The following OTUD7A variants were observed in gnomAD, a reference collection of about 807,000 sequenced individuals.
OTUD7A encodes OTU domain-containing protein 7A.
Under a neutral mutation model 65.7 loss-of-function variants are expected in OTUD7A, and 12 were observed. The observed-to-expected ratio is 0.18, with a 90% confidence interval of 0.12 to 0.30. The LOEUF (loss-of-function observed/expected upper bound fraction) is 0.30. Among genes scored for constraint, OTUD7A ranks in the 10% least tolerant of loss-of-function variants. The probability of loss-of-function intolerance (pLI) is 1.00; values close to 1 mark genes in which losing one functional copy is unlikely to be tolerated. For synonymous variants in OTUD7A, 641 were observed against 586.3 expected (o/e 1.09, Z -1.35); for missense variants, 1,148 against 1,304.8 (o/e 0.88, Z 1.85).
intron 3 of OTUD7A, among the ~76,000 whole-genome samples, chr15:31,593,979 C>T (rs1428136468): frequency 6.6e-6 from 1 of 152,202 alleles, no homozygotes; most frequent in East Asian, 1.9e-4. Flanking sequence ...TCTTTCTAGA[C>T]AGCCTAAAAA....
intron 1 of OTUD7A, among the ~76,000 whole-genome samples, chr15:31,685,109 G>C (rs1451517783): frequency 6.6e-6 from 1 of 152,212 alleles, no homozygotes; most frequent in East Asian, 1.9e-4. Flanking sequence ...ATGCAAATAA[G>C]TCTGATTGAT....
chr15:31,608,356 A>G (rs1169338703), intron 3 of OTUD7A, among the ~76,000 whole-genome samples: 2 of 152,340 alleles, frequency 1.3e-5, no homozygotes, highest in African/African-American at 4.8e-5. Flanking sequence ...GCATATGGTT[A>G]AGAGCTGACT....
intron 1 of OTUD7A, among the ~76,000 whole-genome samples, chr15:31,664,368 G>C (rs1892260239): frequency 6.6e-6 from 1 of 151,402 alleles, no homozygotes; most frequent in Non-Finnish European, 1.5e-5. Context: ...ATTCTTGCAG[G>C]AGTAAGGTGG....
intron 3 of OTUD7A, among the ~76,000 whole-genome samples, chr15:31,590,982 A>AAG (rs914528629): frequency 5.9e-5 from 9 of 152,172 alleles, no homozygotes; most frequent in African/African-American, 2.2e-4. Flanking sequence ...CTAACAGAGT[A>AAG]AGAGGTAAGA....
intron 3 of OTUD7A, among the ~76,000 whole-genome samples, chr15:31,643,160 C>G (rs1370368620): frequency 8.5e-6 from 1 of 117,782 alleles, no homozygotes; most frequent in East Asian, 2.8e-4. Flanking sequence ...ATTATTTTTT[C>G]TTTTTTAGAG....
chr15:31,685,515 C>T (rs112933249), intron 1 of OTUD7A, among the ~76,000 whole-genome samples: 8,940 of 151,924 alleles, frequency 0.059, 894 homozygotes, highest in African/African-American at 0.21. Context: ...AAAAATTAGC[C>T]GGGCGTGGTG....
chr15:31,817,284 C>CG (rs1896575373), intron 1 of OTUD7A, among the ~76,000 whole-genome samples: 1 of 150,220 alleles, frequency 6.7e-6, no homozygotes, highest in Non-Finnish European at 1.5e-5. Flanking sequence ...TGCCCCCCCC[C>CG]ATCACTCATG....
In OTUD7A at chr15:31,547,806, C is replaced by T. The variant is rs144168757; in HGVS notation, c.550+11163G>A. On this transcript the variant is annotated intron_variant, in intron 5 of 12. Coordinates refer to ENST00000307050, the MANE Select transcript of OTUD7A (RefSeq NM_001382637.1). The stretch of plus-strand genomic sequence containing the variant: ...AAAACTTAAGTCATCCTGATTTCCC[C>T]GAGATATTAGCTCTAATCATAAACA... Among the ~76,000 whole-genome samples the T allele has an allele frequency of 1.6e-3, 247 of 152,250 alleles. 1 individual carries two copies. Among genetic ancestry groups the T allele is most frequent in the Non-Finnish European group, 2.9e-3 (196 of 68,034 alleles).
chr15:31,554,893 C>T (rs1888441012), intron 5 of OTUD7A, among the ~76,000 whole-genome samples: 1 of 152,196 alleles, frequency 6.6e-6, no homozygotes, highest in Non-Finnish European at 1.5e-5. Context: ...AGGAGGTCAG[C>T]TGGTTTTAGG....
At chr15:31,848,394 T>G (rs911563670) in intron 1 of OTUD7A, among the ~76,000 whole-genome samples, 3 of 152,120 alleles carry the variant, frequency 2.0e-5, no homozygotes, top group Non-Finnish European at 4.4e-5. Flanking sequence ...ACCCTGAACT[T>G]TAAGTAATGG....
chr15:31,517,933 T>C (rs1205045166), intron 8 of OTUD7A, among the ~76,000 whole-genome samples: 2 of 151,982 alleles, frequency 1.3e-5, no homozygotes, highest in Non-Finnish European at 2.9e-5. Context: ...GCAGGTCTTG[T>C]TAAAGGGCAG....
rs115193775 is a variant in OTUD7A at position 31,800,298 on chromosome 15, G to A, written c.-100+70209C>T. Among the ~76,000 whole-genome samples the A allele has an allele frequency of 5.3e-3, 803 of 152,224 alleles. 5 individuals carry two copies. The highest frequency in any genetic ancestry group is 0.016 in the African/African-American group (670 of 41,540). Reference sequence around the variant, plus strand: ...GTTTCTGCTCCCAGGCAAAAAGCCCGGGAGGCCTGTACTCTTGTACCTGAG... The same window carrying A: ...GTTTCTGCTCCCAGGCAAAAAGCCCAGGAGGCCTGTACTCTTGTACCTGAG... On this transcript the variant is annotated intron_variant, in intron 1 of 12. Transcript: ENST00000307050.
intron 3 of OTUD7A, among the ~76,000 whole-genome samples, chr15:31,650,005 C>T (rs1326866865): frequency 7.7e-6 from 1 of 130,686 alleles, no homozygotes; most frequent in Admixed American, 7.3e-5. Flanking sequence ...GGGTCTCTAC[C>T]GTTCTAAGAA....
chr15:31,741,806 T>C (rs1236752989), intron 1 of OTUD7A, among the ~76,000 whole-genome samples: 1 of 151,784 alleles, frequency 6.6e-6, no homozygotes, highest in African/African-American at 2.4e-5. Flanking sequence ...CAAAAAAAAT[T>C]AGAAGAAAGA....
intron 3 of OTUD7A, among the ~76,000 whole-genome samples, chr15:31,600,468 C>T (rs1890040246): frequency 6.6e-6 from 1 of 152,160 alleles, no homozygotes; most frequent in Non-Finnish European, 1.5e-5. Flanking sequence ...AAGCACTAAA[C>T]ATGGAAAGGA....
chr15:31,640,418 T>A (rs1595678015), intron 3 of OTUD7A, among the ~76,000 whole-genome samples: 2 of 152,220 alleles, frequency 1.3e-5, no homozygotes, highest in East Asian at 3.9e-4. Flanking sequence ...AAAAAAATAA[T>A]AAAAATAAAA....
At chr15:31,489,414 G>C (rs1041174739) in intron 10 of OTUD7A, among the ~76,000 whole-genome samples, 7 of 152,122 alleles carry the variant, frequency 4.6e-5, no homozygotes, top group Non-Finnish European at 1.0e-4. Flanking sequence ...GGACATTTTG[G>C]GTCTGGCTGT....
chr15:31,771,296 T>G (rs1054201920), intron 1 of OTUD7A, among the ~76,000 whole-genome samples: 2 of 152,120 alleles, frequency 1.3e-5, no homozygotes, highest in African/African-American at 4.8e-5. Context: ...ACTATCTATT[T>G]GTCAGCTCCA....
chr15:31,570,700 G>C (rs1285916965), intron 3 of OTUD7A, among the ~76,000 whole-genome samples: 2 of 152,190 alleles, frequency 1.3e-5, no homozygotes, highest in East Asian at 3.9e-4. Flanking sequence ...AGTGAGCTTT[G>C]GTGGGAGATA....
Sources: allele counts gnomAD v4.1 joint callset (sites outside exome capture counted in the v4.1 genomes callset), GRCh38; gene constraint gnomAD v4.1.1; transcripts MANE v1.5; gene names NCBI Gene and HGNC (gene_info 2026-07-23, HGNC 2026-07-21).